The following MYH1 variants were observed in gnomAD, a reference collection of about 807,000 sequenced individuals.
The protein encoded by MYH1 is myosin heavy chain 1, also known as myosin-1.
Under a neutral mutation model 225.6 loss-of-function variants are expected in MYH1, and 214 were observed. The observed-to-expected ratio is 0.95, with a 90% confidence interval of 0.85 to 1.06. MYH1 has a LOEUF of 1.06. Among genes scored for constraint, MYH1 ranks in the 50% least tolerant of loss-of-function variants. MYH1 has a pLI of 0.00. For synonymous variants in MYH1, 774 were observed against 842.3 expected, an observed-to-expected ratio of 0.92 and a Z score of 1.40; for missense variants, 2,098 against 2,344.2, an observed-to-expected ratio of 0.89 and a Z score of 2.17.
At chr17:10,506,929 A>T (rs1307735247) in intron 17 of MYH1, among the ~76,000 whole-genome samples, 1 of 152,216 alleles carries the variant, frequency 6.6e-6, no homozygotes, top group African/African-American at 2.4e-5. Context: ...TATTCTGGGA[A>T]TTGGTAGAAA....
chr17:10,505,077 A>G lies in MYH1; in HGVS notation c.2436-12T>C. The stretch of plus-strand genomic sequence containing the variant: ...AGAAGATGGACTCTCTGTCATAGGA[A>G]CAGAAATGTCCAAATCAGATTATAA... On this transcript the variant is annotated splice_polypyrimidine_tract_variant and intron_variant, in intron 21 of 39. Transcript: ENST00000226207. 6.2e-7 allele frequency: 1 copy of G among 1,613,860 alleles called. No individual in the cohort carries two copies. The highest frequency in any genetic ancestry group is 8.5e-7 in the Non-Finnish European group (1 of 1,179,898).
Position 10,512,678 on chromosome 17 carries a change from T to TA in MYH1, c.1008+2dup, listed in dbSNP as rs762459872. On this transcript the variant is annotated splice_region_variant and intron_variant, in intron 11 of 39. Transcript: ENST00000226207. Reference sequence around the variant, plus strand: ...TTTAAATTAAAATTCATGTATAACTTACATCTGTAGCCATCAACTCTTCTT... The same window carrying TA: ...TTTAAATTAAAATTCATGTATAACTTAACATCTGTAGCCATCAACTCTTCTT... 29 of 1,613,762 alleles carry TA rather than the reference T, an allele frequency of 1.8e-5. 1 individual carries two copies. The Middle Eastern group carries it at 4.9e-4, about 28-fold the overall frequency.
At chr17:10,511,786 C>T in intron 14 of MYH1, 53 bp downstream of exon 14, 1 of 1,613,308 alleles carries the variant, frequency 6.2e-7, no homozygotes, top group Non-Finnish European at 8.5e-7. Context: ...ATGACTGCAG[C>T]AACAAGCTTG....
chr17:10,512,492 G>A lies in MYH1; in HGVS notation c.1063C>T (p.Leu355Phe). The A allele has an allele frequency of 6.2e-7, 1 of 1,614,056 alleles. No homozygotes were observed. Among genetic ancestry groups the A allele is most frequent in the Non-Finnish European group, 8.5e-7 (1 of 1,179,984 alleles). Residue 355 changes from leucine to phenylalanine, a missense_variant, in exon 12 of 40, where the codon CTC becomes TTC. Transcript: ENST00000226207. ...TSDERVSIYKLTGAVMHYGNM... is the reference protein window; with the variant it reads ...TSDERVSIYKFTGAVMHYGNM... ...CCATAATGCATCACAGCCCCTGTGA[G>A]CTTATAGATGGACACTCTTTCATCT...
chr17:10,498,648 T>G lies in MYH1; in HGVS notation c.4159A>C (p.Thr1387Pro), dbSNP rs199993595. ...TKYETDAIQR[T>P]EELEEAKKKL... is the part of the protein sequence containing the mutation. ...TACTTGGCCTCCTCCAGCTCCTCTG[T>G]GCGCTGGATGGCATCTGTCTCATAT... The change falls in exon 30 of 40, where the codon ACA becomes CCA. Residue 1387 changes from threonine to proline, a missense_variant. Thr to Pro is a conservative substitution (Grantham distance 38). Transcript: ENST00000226207. The G allele has an allele frequency of 6.2e-7, 1 of 1,614,052 alleles. No individual in the cohort carries two copies. Among genetic ancestry groups the G allele is most frequent in the Non-Finnish European group, 8.5e-7 (1 of 1,179,894 alleles).
intron 2 of MYH1, 43 bp from the exon 3 acceptor site, chr17:10,516,725 A>G: frequency 6.6e-7 from 1 of 1,521,692 alleles, no homozygotes; most frequent in African/African-American, 1.4e-5. Flanking sequence ...AAGAAACTGG[A>G]CCATTAGATT....
At chr17:10,515,801 A>G (rs2073219564) in intron 5 of MYH1, 125 bp downstream of exon 5, 1 of 1,494,628 alleles carries the variant, frequency 6.7e-7, no homozygotes, top group East Asian at 2.3e-5. Flanking sequence ...TCTGTGCTTT[A>G]GTCACCTCTG....
Position 10,501,422 on chromosome 17 carries a change from A to T in MYH1, c.3426T>A (p.Asp1142Glu). The T allele has an allele frequency of 6.2e-7, 1 of 1,614,136 alleles. No individual in the cohort carries two copies. The highest frequency in any genetic ancestry group is 8.5e-7 in the Non-Finnish European group (1 of 1,180,032). Residue 1142 changes from aspartate (D) to glutamate (E), a missense_variant, in exon 27 of 40, where the codon GAT becomes GAA. Physicochemically the swap from Asp to Glu is conservative, Grantham distance 45. Coordinates refer to ENST00000226207, the MANE Select transcript of MYH1 (RefSeq NM_005963.4). ...TGATCTCCTCCAGCTCCCGGGAGAG[A>T]TCAGAGCGCTGCTTCTCTGCTTTGG... ...SRAKAEKQRS[D>E]LSRELEEISE...
Position 10,516,451 on chromosome 17 carries a change from G to A in MYH1, c.192C>T (p.Thr64=), listed in dbSNP as rs1020193171. The A allele has an allele frequency of 4.0e-5, 64 of 1,614,058 alleles. No homozygotes were observed. Among genetic ancestry groups the A allele is most frequent in the Non-Finnish European group, 4.6e-5 (54 of 1,180,048 alleles). The part of the protein sequence containing the change: ...SREGGKVTAK[T]EAGATVTVKD... ...TGTTTTTACTCACAGCTCCAGCTTC[G>A]GTCTTAGCTGTCACCTTCCCCCCTT... The change falls in exon 3 of 40, where the codon ACC becomes ACT. Residue 64 remains threonine, a synonymous_variant. Transcript: ENST00000226207.
intron 39 of MYH1, among the ~76,000 whole-genome samples, chr17:10,493,350 C>T (rs910708081): frequency 1.3e-5 from 2 of 152,152 alleles, no homozygotes; most frequent in Non-Finnish European, 2.9e-5. Flanking sequence ...CCCTCATTCC[C>T]CTCCATTCCC....
chr17:10,514,474 C>T (rs1461038079), intron 6 of MYH1, among the ~76,000 whole-genome samples: 1 of 152,146 alleles, frequency 6.6e-6, no homozygotes, highest in Non-Finnish European at 1.5e-5. Flanking sequence ...TTTCCTCGGA[C>T]TAGAGACATG....
chr17:10,495,421 A>C, intron 35 of MYH1, 104 bp from the exon 36 acceptor site: 1 of 1,391,138 alleles, frequency 7.2e-7, no homozygotes, highest in Non-Finnish European at 9.9e-7. Flanking sequence ...GAATTCATTA[A>C]TATTCCTCCT....
chr17:10,495,765 A>AAAAAAAAAAAAAAAAAAAAAC (rs2072984348), intron 35 of MYH1, among the ~76,000 whole-genome samples, 185 bp downstream of exon 35: 1 of 149,084 alleles, frequency 6.7e-6, no homozygotes, highest in African/African-American at 2.4e-5. Context: ...CGTCTCAAAA[A>AAAAAAAAAAAAAAAAAAAAAC]AAAAAAAAAA....
intron 14 of MYH1, 145 bp from the exon 15 acceptor site, chr17:10,509,800 C>T: frequency 7.1e-7 from 1 of 1,399,068 alleles, no homozygotes; most frequent in African/African-American, 1.4e-5. Context: ...GTTTTTGCTG[C>T]TGTTAGCATA....
intron 27 of MYH1, 87 bp from the exon 28 acceptor site, chr17:10,500,839 C>T (rs2073046525): frequency 2.6e-6 from 4 of 1,556,474 alleles, no homozygotes; most frequent in East Asian, 2.2e-5. Flanking sequence ...ATATGAGCTG[C>T]AGTACTCATT....
Position 10,497,400 on chromosome 17 carries a change from G to A in MYH1, c.4418C>T (p.Ala1473Val). Residue 1473 changes from alanine (A) to valine (V), a missense_variant, in exon 32 of 40, where the codon GCT (alanine) becomes GTT (valine). Physicochemically the swap from Ala to Val is moderately conservative, Grantham distance 64. Transcript: ENST00000226207. ...KCEETHAELE[A>V]SQKESRSLST... is the part of the protein sequence containing the mutation. ...GAGTGAGCGGGATTCCTTTTGAGAA[G>A]CTTCAAGTTCAGCATGAGTTTCTTC... The A allele has an allele frequency of 1.2e-6, 2 of 1,613,388 alleles. No homozygotes were observed. The highest frequency in any genetic ancestry group is 2.2e-5 in the South Asian group (2 of 90,832).
At chr17:10,500,077 T>C (rs541029911) in intron 28 of MYH1, among the ~76,000 whole-genome samples, 1 of 152,196 alleles carries the variant, frequency 6.6e-6, no homozygotes, top group Non-Finnish European at 1.5e-5. Context: ...CTTAACCGTG[T>C]TAGTTACCAG....
At chr17:10,494,531 G>A (rs2142252838) in intron 38 of MYH1, 38 bp downstream of exon 38, 1 of 1,611,514 alleles carries the variant, frequency 6.2e-7, no homozygotes, top group Non-Finnish European at 8.5e-7. Context: ...AATCCCATGT[G>A]GACTAAAGTG....
chr17:10,501,338 C>A lies in MYH1; in HGVS notation c.3510G>T (p.Lys1170Asn). The A allele has an allele frequency of 6.2e-7, 1 of 1,614,196 alleles. No individual in the cohort carries two copies. Among genetic ancestry groups the A allele is most frequent in the Middle Eastern group, 1.7e-4 (1 of 6,018 alleles). ...ATSAQIEMNK[K>N]REAEFQKMRR... ...GCATTTTCTGGAACTCAGCCTCCCG[C>A]TTCTTGTTCATCTCAATCTGGGCTG... The change falls in exon 27 of 40, where the codon AAG becomes AAT. Residue 1170 changes from lysine (K) to asparagine (N), a missense_variant. Coordinates refer to ENST00000226207, the MANE Select transcript of MYH1 (RefSeq NM_005963.4).
Sources: gnomAD v4.1 joint callset for allele counts (sites outside exome capture counted in the v4.1 genomes callset) on GRCh38, gnomAD v4.1.1 for gene constraint, MANE v1.5 for transcripts, NCBI Gene and HGNC (gene_info 2026-07-23, HGNC 2026-07-21) for gene names.